The following MARCHF1 variants were observed in gnomAD, a reference collection of about 807,000 sequenced individuals.
The protein encoded by MARCHF1 is membrane associated ring-CH-type finger 1.
MARCHF1 carries 40 observed loss-of-function variants against 54.2 expected under a neutral mutation model. The ratio of observed to expected loss-of-function variants is 0.74; its 90% CI spans 0.57 to 0.96. MARCHF1 has a LOEUF of 0.96. Among genes scored for constraint, MARCHF1 ranks in the 40% least tolerant of loss-of-function variants. The probability of loss-of-function intolerance (pLI) is 0.00; values close to 1 mark genes in which losing one functional copy is unlikely to be tolerated. For synonymous variants in MARCHF1, 236 were observed against 236.3 expected (o/e 1.00, Z 0.01); for missense variants, 586 against 656.5 (o/e 0.89, Z 1.17).
At position 163,621,635 on chromosome 4, in the gene MARCHF1, C is replaced by T. The variant is rs72991539; in HGVS notation, c.163-8242G>A. On this transcript the variant is annotated intron_variant, in intron 5 of 9. Transcript: ENST00000514618. ...TGGAGTTCTGGGCATAATTTTACTA[C>T]AATCTATAGAGAAAGGAGACAGAAG... Among the ~76,000 whole-genome samples, 805 of 152,184 alleles carry T rather than the reference C, an allele frequency of 5.3e-3. 7 individuals are homozygous for T. The highest frequency in any genetic ancestry group is 0.016 in the African/African-American group (676 of 41,510).
intron 4 of MARCHF1, among the ~76,000 whole-genome samples, chr4:163,786,591 G>A (rs1233451623): frequency 6.6e-6 from 1 of 151,868 alleles, no homozygotes; most frequent in African/African-American, 2.4e-5. Context: ...ATCATGAGCT[G>A]CACCAATATT....
chr4:163,587,141 A>G (rs1366280061), intron 7 of MARCHF1, among the ~76,000 whole-genome samples: 1 of 152,246 alleles, frequency 6.6e-6, no homozygotes. Context: ...TTTATCTCAT[A>G]TTCAGATTTT....
At chr4:164,196,392 ATT>A (rs1731259439) in intron 1 of MARCHF1, among the ~76,000 whole-genome samples, 3 of 151,910 alleles carry the variant, frequency 2.0e-5, no homozygotes, top group Admixed American at 2.0e-4. Flanking sequence ...CTTATAAATC[ATT>A]GTTTTAATAA....
chr4:163,622,998 C>T (rs2110964815), intron 5 of MARCHF1, among the ~76,000 whole-genome samples: 1 of 152,258 alleles, frequency 6.6e-6, no homozygotes, highest in East Asian at 1.9e-4. Context: ...GGAGACATTT[C>T]CTACTGAAAC....
chr4:164,278,144 T>C (rs1733932084), intron 1 of MARCHF1, among the ~76,000 whole-genome samples: 1 of 152,260 alleles, frequency 6.6e-6, no homozygotes, highest in Middle Eastern at 3.4e-3. Context: ...AGTCTGTCTC[T>C]ACAAAAAATA....
intron 1 of MARCHF1, among the ~76,000 whole-genome samples, chr4:164,114,846 T>C (rs1755908857): frequency 6.6e-6 from 1 of 151,310 alleles, no homozygotes; most frequent in Admixed American, 6.6e-5. Flanking sequence ...CTATTAATTT[T>C]AGCAGAATAT....
intron 4 of MARCHF1, among the ~76,000 whole-genome samples, chr4:163,820,239 C>T (rs899435602): frequency 2.0e-5 from 3 of 151,976 alleles, no homozygotes; most frequent in Admixed American, 1.3e-4. Flanking sequence ...CTTACCTGAC[C>T]TCTCATCAGC....
At chr4:163,570,651 C>T (rs34906012) in intron 8 of MARCHF1, among the ~76,000 whole-genome samples, 6,123 of 152,122 alleles carry the variant, frequency 0.04, 347 homozygotes, top group East Asian at 0.21. Flanking sequence ...GGCCTGGGGA[C>T]GGAATCTAGC....
At chr4:164,364,691 C>T (rs868720320) in intron 1 of MARCHF1, among the ~76,000 whole-genome samples, 1 of 150,610 alleles carries the variant, frequency 6.6e-6, no homozygotes, top group Admixed American at 6.6e-5. Flanking sequence ...GAACAATTTT[C>T]CTTTTTTTTT....
At chr4:164,245,384 T>C (rs976158184) in intron 1 of MARCHF1, among the ~76,000 whole-genome samples, 1 of 152,210 alleles carries the variant, frequency 6.6e-6, no homozygotes, top group African/African-American at 2.4e-5. Context: ...AAAAGGCCTC[T>C]GACAAAATTC....
In MARCHF1 at chr4:163,613,412, T is replaced by C; in HGVS notation, c.163-19A>G. On this transcript the variant is annotated intron_variant, in intron 5 of 9. Transcript: ENST00000514618. ...TGCTTGCCTGGAGAAACAAGTTAGA[T>C]AATTTGGCATCTTGGTTAAGGTAAT... is the stretch of plus-strand genomic sequence containing the variant. 1 of 1,613,342 alleles carries C rather than the reference T, an allele frequency of 6.2e-7. No individual in the cohort carries two copies.
intron 4 of MARCHF1, among the ~76,000 whole-genome samples, chr4:163,793,846 C>T (rs1423645741): frequency 6.6e-6 from 1 of 152,082 alleles, no homozygotes; most frequent in Non-Finnish European, 1.5e-5. Context: ...TCATGCAGAC[C>T]CCCTTAGAGC....
chr4:163,593,205 T>C (rs1451794197), intron 7 of MARCHF1, among the ~76,000 whole-genome samples: 1 of 152,210 alleles, frequency 6.6e-6, no homozygotes, highest in Non-Finnish European at 1.5e-5. Context: ...GGTTATGATT[T>C]TCTCTACATT....
At chr4:164,289,383 A>C (rs965914376) in intron 1 of MARCHF1, among the ~76,000 whole-genome samples, 1 of 151,970 alleles carries the variant, frequency 6.6e-6, no homozygotes, top group Admixed American at 6.6e-5. Context: ...TTTTGTTGAT[A>C]TCTGGATTTT....
chr4:163,942,362 CTCTG>C (rs1391076351), intron 3 of MARCHF1, among the ~76,000 whole-genome samples: 4 of 152,184 alleles, frequency 2.6e-5, no homozygotes, highest in African/African-American at 9.7e-5. Context: ...ACAGATATTT[CTCTG>C]TCTAATTATA....
intron 1 of MARCHF1, among the ~76,000 whole-genome samples, chr4:164,359,604 A>C (rs568052163): frequency 6.6e-6 from 1 of 152,314 alleles, no homozygotes; most frequent in South Asian, 2.1e-4. Context: ...AGAATATTCA[A>C]ATTGTTTTTA....
chr4:164,276,521 G>T (rs1733885792), intron 1 of MARCHF1, among the ~76,000 whole-genome samples: 2 of 150,892 alleles, frequency 1.3e-5, no homozygotes, highest in Non-Finnish European at 2.9e-5. Context: ...ATGTGGACAT[G>T]TATATATACG....
At chr4:163,717,807 G>A (rs1167704072) in intron 4 of MARCHF1, among the ~76,000 whole-genome samples, 1 of 152,108 alleles carries the variant, frequency 6.6e-6, no homozygotes, top group East Asian at 1.9e-4. Context: ...TTTGAGAAGT[G>A]TCTGTTCATA....
chr4:163,927,921 C>T (rs1336397947), intron 3 of MARCHF1, among the ~76,000 whole-genome samples: 1 of 151,778 alleles, frequency 6.6e-6, no homozygotes, highest in Non-Finnish European at 1.5e-5. Flanking sequence ...TTCTCTCTTC[C>T]AAATGAAGTA....
Sources: allele counts gnomAD v4.1 joint callset (sites outside exome capture counted in the v4.1 genomes callset), GRCh38; gene constraint gnomAD v4.1.1; transcripts MANE v1.5; gene names NCBI Gene and HGNC (gene_info 2026-07-23, HGNC 2026-07-21).